Variants in PDGFC observed in about 807,000 individuals in gnomAD.
PDGFC encodes platelet derived growth factor C, also known as platelet-derived growth factor C.
A neutral mutation model predicts 35.5 loss-of-function variants in PDGFC; 12 were observed. That is an observed-to-expected ratio of 0.34 (90% CI 0.22 to 0.55). PDGFC has a LOEUF of 0.55. Ranked by LOEUF, PDGFC falls within the 20% of genes least tolerant of loss-of-function variation. The pLI is 0.91. For missense variants in PDGFC, 322 were observed against 412.4 expected, an observed-to-expected ratio of 0.78 and a Z score of 1.90; for synonymous variants, 159 against 148.8, an observed-to-expected ratio of 1.07 and a Z score of -0.50.
chr4:156,857,737 T>C (rs1238542767), intron 1 of PDGFC, among the ~76,000 whole-genome samples: 2 of 152,094 alleles, frequency 1.3e-5, no homozygotes, highest in Admixed American at 6.6e-5. Context: ...CCCATTCAGA[T>C]AGGCCAATCA....
intron 3 of PDGFC, among the ~76,000 whole-genome samples, chr4:156,777,355 T>G (rs544851969): frequency 6.6e-6 from 1 of 152,220 alleles, no homozygotes; most frequent in Non-Finnish European, 1.5e-5. Flanking sequence ...TCAAAATTTC[T>G]ATTCTACTAA....
chr4:156,768,661 A>C (rs1730608228), intron 4 of PDGFC, among the ~76,000 whole-genome samples: 1 of 152,118 alleles, frequency 6.6e-6, no homozygotes, highest in Admixed American at 6.6e-5. Flanking sequence ...TAACTAAACT[A>C]AACTCCTTCA....
rs144280796 is a variant in PDGFC, at chr4:156,873,449, T to A, written c.119-23033A>T. Among the ~76,000 whole-genome samples the A allele has an allele frequency of 4.1e-3, 624 of 152,312 alleles. 4 individuals are homozygous for A. Among genetic ancestry groups the A allele is most frequent in the African/African-American group, 0.014 (579 of 41,570 alleles). On this transcript the variant is annotated intron_variant, in intron 1 of 5. Transcript: ENST00000502773. ...ACCATTAATTGTTCTTAATATGATT[T>A]CAAGCACTACATAAAAGGGCATGTT... is the stretch of plus-strand genomic sequence containing the variant.
intron 2 of PDGFC, among the ~76,000 whole-genome samples, chr4:156,842,522 A>G (rs1201768873): frequency 6.6e-6 from 1 of 152,144 alleles, no homozygotes; most frequent in Non-Finnish European, 1.5e-5. Context: ...CATACTCTGC[A>G]TGCTTCTATC....
At chr4:156,837,573 T>C (rs1729092919) in intron 2 of PDGFC, among the ~76,000 whole-genome samples, 1 of 152,174 alleles carries the variant, frequency 6.6e-6, no homozygotes, top group South Asian at 2.1e-4. Flanking sequence ...ATTTCAGTGG[T>C]ATCAAGGCAA....
intron 1 of PDGFC, among the ~76,000 whole-genome samples, chr4:156,942,199 A>C (rs1305443404): frequency 6.6e-6 from 1 of 152,142 alleles, no homozygotes; most frequent in Non-Finnish European, 1.5e-5. Flanking sequence ...GTATAAATAC[A>C]TGCCATTCCT....
intron 5 of PDGFC, 28 bp downstream of exon 5, chr4:156,767,745 G>A (rs1730579119): frequency 6.9e-7 from 1 of 1,454,900 alleles, no homozygotes; most frequent in Non-Finnish European, 9.7e-7. Flanking sequence ...ATACCCGAAG[G>A]AAACCAAAAA....
intron 1 of PDGFC, among the ~76,000 whole-genome samples, chr4:156,930,634 G>A (rs1243514163): frequency 2.6e-5 from 4 of 152,156 alleles, no homozygotes; most frequent in East Asian, 1.9e-4. Flanking sequence ...TTGGGAGGCC[G>A]AGGTGGGCAG....
At chr4:156,918,321 G>A (rs1447558166) in intron 1 of PDGFC, among the ~76,000 whole-genome samples, 5 of 152,142 alleles carry the variant, frequency 3.3e-5, no homozygotes, top group Non-Finnish European at 7.4e-5. Context: ...ACTGTAAGAA[G>A]TCAATTATTT....
intron 3 of PDGFC, among the ~76,000 whole-genome samples, chr4:156,787,095 A>G (rs894304093): frequency 6.6e-6 from 1 of 152,332 alleles, no homozygotes; most frequent in South Asian, 2.1e-4. Flanking sequence ...AGACTGGACA[A>G]GATTGTCAAA....
At chr4:156,828,267 G>A (rs1316301510) in intron 2 of PDGFC, among the ~76,000 whole-genome samples, 3 of 152,064 alleles carry the variant, frequency 2.0e-5, no homozygotes, top group Admixed American at 6.5e-5. Context: ...GAACACAAAA[G>A]CACACTTTGG....
chr4:156,772,978 G>A (rs2110817968), intron 3 of PDGFC, 85 bp from the exon 4 acceptor site: 1 of 882,242 alleles, frequency 1.1e-6, no homozygotes, highest in Non-Finnish European at 1.8e-6. Context: ...TATAAAGACT[G>A]AGGCTGGAAA....
intron 1 of PDGFC, among the ~76,000 whole-genome samples, chr4:156,925,619 A>G (rs754210471): frequency 1.3e-5 from 2 of 152,108 alleles, no homozygotes; most frequent in Non-Finnish European, 2.9e-5. Flanking sequence ...ATAGATAATT[A>G]TACAGGTTTG....
At chr4:156,911,723 T>C (rs1731044893) in intron 1 of PDGFC, among the ~76,000 whole-genome samples, 1 of 152,166 alleles carries the variant, frequency 6.6e-6, no homozygotes, top group East Asian at 1.9e-4. Flanking sequence ...ACCCATTTGT[T>C]TGATTCCAGA....
At chr4:156,851,331 A>C (rs1353283158) in intron 1 of PDGFC, among the ~76,000 whole-genome samples, 5 of 152,232 alleles carry the variant, frequency 3.3e-5, no homozygotes, top group African/African-American at 4.8e-5. Flanking sequence ...ATGAATACAC[A>C]AATATGAATT....
intron 1 of PDGFC, among the ~76,000 whole-genome samples, chr4:156,912,821 C>T (rs1173175963): frequency 1.3e-5 from 2 of 151,464 alleles, no homozygotes; most frequent in African/African-American, 4.9e-5. Context: ...TGGGATGCAA[C>T]ACAGACTACC....
intron 2 of PDGFC, among the ~76,000 whole-genome samples, chr4:156,814,175 C>A (rs1173251565): frequency 6.6e-6 from 1 of 152,102 alleles, no homozygotes; most frequent in South Asian, 2.1e-4. Context: ...TGCTCTTTGG[C>A]ATCTGAGTTG....
chr4:156,875,455 A>G (rs1730090340), intron 1 of PDGFC, among the ~76,000 whole-genome samples: 1 of 152,210 alleles, frequency 6.6e-6, no homozygotes, highest in South Asian at 2.1e-4. Context: ...AGCCATTAGA[A>G]GAAAGTCCAC....
At chr4:156,791,007 T>C (rs751320855) in intron 3 of PDGFC, among the ~76,000 whole-genome samples, 1 of 152,168 alleles carries the variant, frequency 6.6e-6, no homozygotes, top group Non-Finnish European at 1.5e-5. Flanking sequence ...ACCAGGGATT[T>C]TTCCTAGGAT....
Sources: gnomAD v4.1 joint callset for allele counts (sites outside exome capture counted in the v4.1 genomes callset) on GRCh38, gnomAD v4.1.1 for gene constraint, MANE v1.5 for transcripts, NCBI Gene and HGNC (gene_info 2026-07-23, HGNC 2026-07-21) for gene names.